Variants in EYS observed in about 807,000 individuals in gnomAD.
EYS encodes the protein protein eyes shut homolog.
Under a neutral mutation model 282.1 loss-of-function variants are expected in EYS, and 250 were observed. The ratio of observed to expected loss-of-function variants is 0.89; its 90% CI spans 0.80 to 0.98. The LOEUF is 0.98. EYS is among the 50% of genes least tolerant of loss of function. The pLI is 0.00. For missense variants in EYS, 4,016 were observed against 3,709.0 expected, an observed-to-expected ratio of 1.08 and a Z score of -2.15; for synonymous variants, 1,355 against 1,282.9, an observed-to-expected ratio of 1.06 and a Z score of -1.20.
intron 35 of EYS, among the ~76,000 whole-genome samples, chr6:63,947,134 T>A (rs1483674150): frequency 6.6e-6 from 1 of 152,032 alleles, no homozygotes; most frequent in Non-Finnish European, 1.5e-5. Context: ...TTAAGAAAAG[T>A]ATATTGAGTT....
chr6:64,096,218 C>T (rs145471630), intron 31 of EYS, among the ~76,000 whole-genome samples: 3,487 of 152,232 alleles, frequency 0.023, 115 homozygotes, highest in African/African-American at 0.07. Flanking sequence ...TTGAATCTGA[C>T]AATTATTTTC....
At chr6:64,026,342 C>T (rs1039848489) in intron 33 of EYS, among the ~76,000 whole-genome samples, 8 of 152,074 alleles carry the variant, frequency 5.3e-5, no homozygotes, top group East Asian at 1.9e-4. Flanking sequence ...AAACCATGGG[C>T]GGTTTTGTCT....
intron 1 of EYS, among the ~76,000 whole-genome samples, chr6:65,653,188 C>CA (rs1767713866): frequency 6.6e-6 from 1 of 151,744 alleles, no homozygotes; most frequent in African/African-American, 2.4e-5. Context: ...TTATCTGTGC[C>CA]TACCTTTGTC....
intron 29 of EYS, among the ~76,000 whole-genome samples, chr6:64,308,475 G>C (rs1460755769): frequency 1.3e-5 from 2 of 151,984 alleles, no homozygotes; most frequent in African/African-American, 4.8e-5. Context: ...TTCAGATGCT[G>C]TCCTCTGATA....
intron 29 of EYS, among the ~76,000 whole-genome samples, chr6:64,319,645 G>A (rs912062058): frequency 5.3e-5 from 8 of 151,964 alleles, no homozygotes; most frequent in Non-Finnish European, 1.0e-4. Context: ...GTGTGCATGT[G>A]TGTGTGTATG....
chr6:63,901,254 A>G (rs543556582), intron 35 of EYS, among the ~76,000 whole-genome samples: 6 of 152,348 alleles, frequency 3.9e-5, no homozygotes, highest in African/African-American at 1.4e-4. Context: ...AAAATGCACC[A>G]GAGGGCTTCA....
chr6:65,363,876 C>T (rs1317631233), intron 8 of EYS, among the ~76,000 whole-genome samples: 1 of 151,340 alleles, frequency 6.6e-6, no homozygotes, highest in African/African-American at 2.4e-5. Context: ...CAAATTTTAC[C>T]CCACTGATTT....
chr6:65,075,206 G>C (rs1376178910), intron 12 of EYS, among the ~76,000 whole-genome samples: 1 of 151,428 alleles, frequency 6.6e-6, no homozygotes, highest in African/African-American at 2.4e-5. Flanking sequence ...CAAGAGTTTG[G>C]GTACATTTCT....
At chr6:64,235,322 G>A (rs1225423105) in intron 30 of EYS, among the ~76,000 whole-genome samples, 1 of 145,342 alleles carries the variant, frequency 6.9e-6, no homozygotes, top group Non-Finnish European at 1.5e-5. Context: ...TCCCACCTAT[G>A]AGTGAGAATA....
intron 13 of EYS, among the ~76,000 whole-genome samples, chr6:65,019,897 A>G (rs941097789): frequency 1.4e-4 from 18 of 130,986 alleles, no homozygotes; most frequent in Non-Finnish European, 6.4e-5. Context: ...CCCTCTTCAC[A>G]TGGCGGCAGC....
At chr6:64,711,268 T>G (rs1450642803) in intron 22 of EYS, among the ~76,000 whole-genome samples, 2 of 152,192 alleles carry the variant, frequency 1.3e-5, no homozygotes, top group African/African-American at 4.8e-5. Context: ...GAAATGCTTG[T>G]TTTTAGAAAA....
intron 11 of EYS, among the ~76,000 whole-genome samples, chr6:65,306,037 A>T (rs577950574): frequency 1.2e-4 from 19 of 152,326 alleles, no homozygotes; most frequent in African/African-American, 4.6e-4. Context: ...TTTCCTTCAT[A>T]TCACCTCAAG....
chr6:64,332,561 A>G (rs916521005), intron 29 of EYS, among the ~76,000 whole-genome samples: 1 of 152,158 alleles, frequency 6.6e-6, no homozygotes, highest in Non-Finnish European at 1.5e-5. Context: ...ATAGCCAGCT[A>G]AAACCAGCAG....
At chr6:64,924,962 A>C (rs1458534920) in intron 15 of EYS, among the ~76,000 whole-genome samples, 1 of 152,146 alleles carries the variant, frequency 6.6e-6, no homozygotes, top group Non-Finnish European at 1.5e-5. Flanking sequence ...CCAGTTCCAA[A>C]GTCACTTCCA....
At position 63,721,220 on chromosome 6, in the gene EYS, G is replaced by C; in HGVS notation, c.8811C>G (p.Cys2937Trp). The change falls in exon 43 of 43, where the codon TGC (cysteine) becomes TGG (tryptophan). Residue 2937 changes from cysteine (C) to tryptophan (W), a missense_variant. Physicochemically the swap from Cys to Trp is radical, Grantham distance 215. Coordinates refer to ENST00000503581, the MANE Select transcript of EYS (RefSeq NM_001142800.2). ...CIPDQSFSYS[C>W]LCTLGWVGRY... ...TTCCCACCCAACCCAAAGTACACAG[G>C]CAACTGTAAGAAAATGATTGGTCAG... 1.3e-6 allele frequency: 2 copies of C among 1,551,688 alleles called. No homozygotes were observed. The highest frequency in any genetic ancestry group is 1.7e-6 in the Non-Finnish European group (2 of 1,146,936).
intron 12 of EYS, among the ~76,000 whole-genome samples, chr6:65,257,967 T>A (rs1157135313): frequency 1.3e-5 from 2 of 151,994 alleles, no homozygotes; most frequent in Non-Finnish European, 2.9e-5. Context: ...GAAATTATTG[T>A]ACATTTTATA....
chr6:64,216,965 T>C (rs1342792884), intron 31 of EYS, among the ~76,000 whole-genome samples: 1 of 152,170 alleles, frequency 6.6e-6, no homozygotes, highest in Non-Finnish European at 1.5e-5. Flanking sequence ...CCAGTCTTTT[T>C]CAATAAACCT....
intron 10 of EYS, among the ~76,000 whole-genome samples, chr6:65,337,430 C>A (rs998913574): frequency 2.0e-5 from 3 of 151,116 alleles, no homozygotes; most frequent in African/African-American, 7.3e-5. Flanking sequence ...TAAAGGAGCA[C>A]TTTTATAACT....
In EYS at chr6:64,209,907, G is replaced by A. The variant is rs752878281; in HGVS notation, c.6424+20685C>T. On this transcript the variant is annotated intron_variant, in intron 31 of 42. Transcript: ENST00000503581. ...GGATCTTTGTATTTTACACAATGAC[G>A]TGTCATGAGCCCTGAACCTCTCTCT... is the stretch of plus-strand genomic sequence containing the variant. Among the ~76,000 whole-genome samples, 9 of 151,942 alleles carry A rather than the reference G, an allele frequency of 5.9e-5. No individual in the cohort carries two copies. In the East Asian group the frequency reaches 7.7e-4, roughly 13 times the overall value.
Sources: gnomAD v4.1 joint callset for allele counts (sites outside exome capture counted in the v4.1 genomes callset) on GRCh38, gnomAD v4.1.1 for gene constraint, MANE v1.5 for transcripts, NCBI Gene and HGNC (gene_info 2026-07-23, HGNC 2026-07-21) for gene names.